LRP1B: variants seen among roughly 807,000 people sequenced by gnomAD.
The protein encoded by LRP1B is low-density lipoprotein receptor-related protein 1B.
LRP1B carries 217 observed loss-of-function variants against 556.6 expected under a neutral mutation model. The ratio of observed to expected loss-of-function variants is 0.39; its 90% CI spans 0.35 to 0.44. LRP1B has a LOEUF of 0.44. Ranked by LOEUF, LRP1B falls within the 20% of genes least tolerant of loss-of-function variation. The pLI, the probability that LRP1B is intolerant of heterozygous loss-of-function variation, is 1.00. For synonymous variants in LRP1B, 2,047 were observed against 1,865.8 expected (o/e 1.10, Z -2.50); for missense variants, 5,053 against 5,620.8 (o/e 0.90, Z 3.23).
chr2:142,053,251 AC>A (rs1203246463), intron 1 of LRP1B, among the ~76,000 whole-genome samples: 1 of 152,192 alleles, frequency 6.6e-6, no homozygotes, highest in African/African-American at 2.4e-5. Context: ...GTTAAATTCA[AC>A]GTTACTATAG....
chr2:140,894,756 C>T (rs77116821), intron 23 of LRP1B, among the ~76,000 whole-genome samples: 1 of 152,042 alleles, frequency 6.6e-6, no homozygotes, highest in Non-Finnish European at 1.5e-5. Flanking sequence ...TGAGAACAGC[C>T]TGGCCAACAT....
chr2:141,514,583 C>G (rs1016380725), intron 2 of LRP1B, among the ~76,000 whole-genome samples: 1 of 152,094 alleles, frequency 6.6e-6, no homozygotes, highest in Non-Finnish European at 1.5e-5. Context: ...AGAGCCATAA[C>G]GGTACATGCA....
rs556722787 is a variant in LRP1B, at chr2:140,929,090, C to T, written c.3137-5943G>A. 5.3e-5 allele frequency among the ~76,000 whole-genome samples: 8 copies of T among 152,100 alleles called. No homozygotes were observed. The East Asian group carries it at 1.2e-3, about 22-fold the overall frequency. On this transcript the variant is annotated intron_variant, in intron 20 of 90. Coordinates refer to ENST00000389484, the MANE Select transcript of LRP1B (RefSeq NM_018557.3). ...GTTTTTGCGAGCTGTTGTGTGAAAA[C>T]GGATTTTACAAGACTTGAGTAGAAG...
chr2:141,336,130 A>AAAAC (rs1235728998), intron 3 of LRP1B, among the ~76,000 whole-genome samples: 4 of 151,406 alleles, frequency 2.6e-5, no homozygotes, highest in African/African-American at 9.7e-5. Context: ...AAAAAAAAAA[A>AAAAC]AGCAAATAAA....
At chr2:141,280,655 T>G (rs1685477794) in intron 3 of LRP1B, among the ~76,000 whole-genome samples, 2 of 152,002 alleles carry the variant, frequency 1.3e-5, no homozygotes, top group Admixed American at 6.6e-5. Context: ...TAGCAAGGAT[T>G]TACTCTGAAA....
chr2:140,452,756 T>C (rs1686934142), intron 62 of LRP1B, among the ~76,000 whole-genome samples: 1 of 152,066 alleles, frequency 6.6e-6, no homozygotes, highest in African/African-American at 2.4e-5. Context: ...GATTATTTGA[T>C]GTTGGCTTTT....
chr2:141,228,012 C>T (rs1367040173), intron 6 of LRP1B, among the ~76,000 whole-genome samples: 1 of 152,054 alleles, frequency 6.6e-6, no homozygotes, highest in Non-Finnish European at 1.5e-5. Context: ...CTGGAACCTC[C>T]ACCTCCTGGG....
chr2:140,918,186 T>TTG (rs61561343), intron 21 of LRP1B, among the ~76,000 whole-genome samples: 2,980 of 147,794 alleles, frequency 0.02, 55 homozygotes, highest in East Asian at 0.07. Flanking sequence ...GATTTCTATT[T>TTG]TGTGTGTGTG....
At chr2:142,105,748 C>A (rs1237685832) in intron 1 of LRP1B, among the ~76,000 whole-genome samples, 1 of 152,084 alleles carries the variant, frequency 6.6e-6, no homozygotes, top group Non-Finnish European at 1.5e-5. Flanking sequence ...ATTCCACTAC[C>A]TAGCAGTGAT....
intron 30 of LRP1B, among the ~76,000 whole-genome samples, 180 bp downstream of exon 30, chr2:140,840,738 T>C (rs1378091928): frequency 6.6e-6 from 1 of 152,196 alleles, no homozygotes; most frequent in Non-Finnish European, 1.5e-5. Context: ...AGGATATATA[T>C]AATCTACAGA....
chr2:141,863,484 C>G (rs1344604266), intron 1 of LRP1B, among the ~76,000 whole-genome samples: 1 of 152,162 alleles, frequency 6.6e-6, no homozygotes, highest in African/African-American at 2.4e-5. Context: ...CTGAGATCAG[C>G]TGAATCTAGA....
chr2:140,428,095 T>C (rs1161921348), intron 66 of LRP1B, among the ~76,000 whole-genome samples: 1 of 152,162 alleles, frequency 6.6e-6, no homozygotes, highest in Non-Finnish European at 1.5e-5. Flanking sequence ...CCTGAGATGC[T>C]TTACAGCCCT....
At chr2:141,900,182 A>G (rs1699575528) in intron 1 of LRP1B, among the ~76,000 whole-genome samples, 2 of 152,106 alleles carry the variant, frequency 1.3e-5, no homozygotes, top group South Asian at 4.1e-4. Context: ...GTCCTTTTAA[A>G]TAAGAATAAG....
At chr2:141,776,592 G>A (rs1418422129) in intron 2 of LRP1B, among the ~76,000 whole-genome samples, 1 of 152,106 alleles carries the variant, frequency 6.6e-6, no homozygotes, top group Non-Finnish European at 1.5e-5. Flanking sequence ...CTCATTAGTG[G>A]TATCAGTATT....
intron 1 of LRP1B, among the ~76,000 whole-genome samples, chr2:142,129,694 A>G (rs1027666453): frequency 6.6e-6 from 1 of 151,860 alleles, no homozygotes; most frequent in African/African-American, 2.4e-5. Flanking sequence ...TTTTAAAAAA[A>G]TCTATGATAC....
At chr2:141,813,413 C>T (rs1349136853) in intron 1 of LRP1B, among the ~76,000 whole-genome samples, 1 of 151,854 alleles carries the variant, frequency 6.6e-6, no homozygotes, top group African/African-American at 2.4e-5. Flanking sequence ...GAGAGTGACA[C>T]CCATTTGAAT....
At chr2:140,983,569 A>G (rs1403517827) in intron 17 of LRP1B, among the ~76,000 whole-genome samples, 1 of 152,138 alleles carries the variant, frequency 6.6e-6, no homozygotes, top group African/African-American at 2.4e-5. Context: ...ATTTCTTAAA[A>G]GATATATACA....
intron 31 of LRP1B, among the ~76,000 whole-genome samples, chr2:140,826,260 A>G (rs902463583): frequency 1.3e-5 from 2 of 152,174 alleles, no homozygotes; most frequent in Non-Finnish European, 2.9e-5. Flanking sequence ...GACAAGGGAA[A>G]AAAATGATTC....
At chr2:141,471,581 C>T (rs6730292) in intron 3 of LRP1B, among the ~76,000 whole-genome samples, 146,210 of 152,274 alleles carry the variant, frequency 0.96, 70,488 homozygotes, top group East Asian at 1. Context: ...GCCTGTCAAC[C>T]ATCAGCTCAC....
Sources: gnomAD v4.1 joint callset for allele counts (sites outside exome capture counted in the v4.1 genomes callset) on GRCh38, gnomAD v4.1.1 for gene constraint, MANE v1.5 for transcripts, NCBI Gene and HGNC (gene_info 2026-07-23, HGNC 2026-07-21) for gene names.